Variants in WNT2B observed in about 807,000 individuals in gnomAD.
WNT2B encodes the protein protein Wnt-2b.
In WNT2B, 19 loss-of-function variants were observed where a neutral mutation model predicts 40.5. That is an observed-to-expected ratio of 0.47 (90% CI 0.33 to 0.69). The LOEUF (loss-of-function observed/expected upper bound fraction) is 0.69. Among genes scored for constraint, WNT2B ranks in the 30% least tolerant of loss-of-function variants. The pLI is 0.02. For synonymous variants in WNT2B, 220 were observed against 211.9 expected, an observed-to-expected ratio of 1.04 and a Z score of -0.33; for missense variants, 467 against 556.4, an observed-to-expected ratio of 0.84 and a Z score of 1.62.
chr1:112,519,834 A>G (rs1217875474), intron 4 of WNT2B, among the ~76,000 whole-genome samples: 2 of 147,992 alleles, frequency 1.4e-5, no homozygotes, highest in Non-Finnish European at 3.0e-5. Context: ...TAGAACTGGG[A>G]TTTGAATCCA....
Position 112,509,302 on chromosome 1 carries a change from C to G in WNT2B, c.40C>G (p.Pro14Ala). 6.4e-7 allele frequency: 1 copy of G among 1,556,470 alleles called. No individual in the cohort carries two copies. The highest frequency in any genetic ancestry group is 2.4e-5 in the East Asian group (1 of 42,022). Reference sequence around the variant, plus strand: ...TGGTGCGGAGGAAGCTGCGCAGCTCCCGCTTCGGCGCGCCAGCGCCCCGGT... The same window carrying G: ...TGGTGCGGAGGAAGCTGCGCAGCTCGCGCTTCGGCGCGCCAGCGCCCCGGT... ...PGGAEEAAQL[P>A]LRRASAPVPV... The change falls in exon 1 of 5, where the codon CCG becomes GCG. Residue 14 changes from proline to alanine, a missense_variant. By Grantham distance (27) the Pro-to-Ala change is conservative. Coordinates refer to ENST00000369684, the MANE Select transcript of WNT2B (RefSeq NM_024494.3). This position sits in a 1 kb window ranked among gnomAD's most constrained non-coding sequence, Gnocchi z 4.2.
At chr1:112,468,096 T>A (rs1650759580) in intron 1 of WNT2B, among the ~76,000 whole-genome samples, 1 of 152,222 alleles carries the variant, frequency 6.6e-6, no homozygotes, top group African/African-American at 2.4e-5. Context: ...TCATTTAACA[T>A]AGTGACTTCC....
chr1:112,508,834 T>C, upstream of WNT2B: 1 of 995,978 alleles, frequency 1.0e-6, no homozygotes, highest in Non-Finnish European at 1.2e-6. The surrounding 1 kb of genome is among the most constrained non-coding windows in gnomAD (Gnocchi z 4.2). Context: ...CGGAGGCGGC[T>C]GCTACACCTA....
rs548948394 is a variant in WNT2B at position 112,503,550 on chromosome 1, G to A, written c.-94-11324G>A. Among the ~76,000 whole-genome samples the A allele has an allele frequency of 2.2e-4, 34 of 152,238 alleles. No homozygotes were observed. In the East Asian group the frequency reaches 3.3e-3, roughly 15 times the overall value. Reference sequence around the variant, plus strand: ...GTGCGCACACACCCACATGCACAGAGAGACGGAGAAAGCCACAGAGAGTCA... The same window carrying A: ...GTGCGCACACACCCACATGCACAGAAAGACGGAGAAAGCCACAGAGAGTCA... On this transcript the variant is annotated intron_variant, in intron 1 of 4. Coordinates refer to the WNT2B transcript ENST00000256640.
At chr1:112,511,132 A>G (rs967396209) in intron 1 of WNT2B, among the ~76,000 whole-genome samples, 1 of 151,278 alleles carries the variant, frequency 6.6e-6, no homozygotes, top group Non-Finnish European at 1.5e-5. Context: ...CCTAGTTCCC[A>G]TTTTGTACTC....
At chr1:112,503,111 AC>A (rs1311043333) in intron 1 of WNT2B, among the ~76,000 whole-genome samples, 2 of 152,246 alleles carry the variant, frequency 1.3e-5, no homozygotes, top group East Asian at 1.9e-4. Context: ...GACCTTGTCC[AC>A]CCTGATATGT....
chr1:112,472,034 A>G (rs529768476), intron 1 of WNT2B, among the ~76,000 whole-genome samples: 12 of 152,340 alleles, frequency 7.9e-5, no homozygotes, highest in African/African-American at 2.4e-4. Context: ...AAATAGAGTA[A>G]CAGGAACTGG....
intron 1 of WNT2B, among the ~76,000 whole-genome samples, chr1:112,469,179 C>A (rs1032575622): frequency 2.0e-5 from 3 of 152,100 alleles, no homozygotes; most frequent in African/African-American, 7.2e-5. Context: ...GCTTTTATAC[C>A]AATACCATCC....
Position 112,471,021 on chromosome 1 carries a change from ATTTGGGTCCAGCCAGTGCTG to A in WNT2B, c.-95+3432_-95+3451del, listed in dbSNP as rs1245258462. ...CCAGGGTACTGGGGACCCTGTGCAC[ATTTGGGTCCAGCCAGTGCTG>A]TGCCACTGTAACCCTCTGAGTGGAC... On this transcript the variant is annotated intron_variant, in intron 1 of 4. Coordinates refer to the WNT2B transcript ENST00000256640. Among the ~76,000 whole-genome samples, 6 of 152,118 alleles carry A rather than the reference ATTTGGGTCCAGCCAGTGCTG, an allele frequency of 3.9e-5. No individual in the cohort carries two copies. The East Asian group carries it at 7.7e-4, about 20-fold the overall frequency.
intron 1 of WNT2B, among the ~76,000 whole-genome samples, chr1:112,510,488 G>A (rs181774151): frequency 1.6e-4 from 24 of 151,584 alleles, no homozygotes; most frequent in African/African-American, 5.1e-4. Flanking sequence ...TCTTCTTCCC[G>A]TGCAAGCCCC....
intron 1 of WNT2B, among the ~76,000 whole-genome samples, chr1:112,473,657 AAAC>A (rs1650961041): frequency 6.6e-6 from 1 of 152,168 alleles, no homozygotes; most frequent in African/African-American, 2.4e-5. Context: ...ATATTTGAAC[AAAC>A]AATAGCCAAG....
chr1:112,514,144 T>C (rs1652445026), intron 1 of WNT2B, among the ~76,000 whole-genome samples: 3 of 152,216 alleles, frequency 2.0e-5, no homozygotes, highest in Non-Finnish European at 4.4e-5. Flanking sequence ...CTTACTTATC[T>C]TGGCCTTTGG....
At chr1:112,489,412 A>C (rs1651527569) in intron 1 of WNT2B, among the ~76,000 whole-genome samples, 1 of 152,032 alleles carries the variant, frequency 6.6e-6, no homozygotes, top group Non-Finnish European at 1.5e-5. Flanking sequence ...TACAAAAAAA[A>C]AATTAGCCGG....
At chr1:112,490,514 G>GTT in intron 1 of WNT2B, among the ~76,000 whole-genome samples, 1 of 150,356 alleles carries the variant, frequency 6.7e-6, no homozygotes, top group Non-Finnish European at 1.5e-5. Context: ...TTTTGAGACG[G>GTT]AGTCTCGCTC....
In WNT2B at chr1:112,509,806, C is replaced by A. The variant is rs1262693820; in HGVS notation, c.182+362C>A. 6.6e-6 allele frequency among the ~76,000 whole-genome samples: 1 copy of A among 152,196 alleles called. No individual in the cohort carries two copies. The highest frequency in any genetic ancestry group is 1.5e-5 in the Non-Finnish European group (1 of 68,036). ...AATAACCTTCCAGGGCCCGCAATAG[C>A]TTCGCCAGGGCCCCAATCGCCTAAG... On this transcript the variant is annotated intron_variant, in intron 1 of 4. Coordinates refer to ENST00000369684, the MANE Select transcript of WNT2B (RefSeq NM_024494.3). This position sits in a 1 kb window ranked among gnomAD's most constrained non-coding sequence, Gnocchi z 4.2.
chr1:112,489,420 C>T (rs556669043), intron 1 of WNT2B, among the ~76,000 whole-genome samples: 154 of 151,928 alleles, frequency 1.0e-3, no homozygotes, highest in African/African-American at 3.3e-3. Flanking sequence ...AAAAATTAGC[C>T]GGGCATGGCA....
chr1:112,515,009 G>A lies in WNT2B; in HGVS notation c.318G>A (p.Glu106=), dbSNP rs1271408614. The A allele has an allele frequency of 1.2e-6, 2 of 1,614,078 alleles. No individual in the cohort carries two copies. The highest frequency in any genetic ancestry group is 1.7e-6 in the Non-Finnish European group (2 of 1,180,038). The change falls in exon 2 of 5, where the codon GAG becomes GAA. Residue 106 remains glutamate, a synonymous_variant. Coordinates refer to ENST00000369684, the MANE Select transcript of WNT2B (RefSeq NM_024494.3). This position sits in a 1 kb window ranked among gnomAD's most constrained non-coding sequence, Gnocchi z 4.4. ...VGEGAREWIR[E]CQHQFRHHRW... ...AGGGTGCCCGAGAATGGATCCGAGA[G>A]TGTCAGCACCAATTCCGCCACCACC... is the stretch of plus-strand genomic sequence containing the variant.
At chr1:112,483,852 C>T (rs897249384) in intron 1 of WNT2B, among the ~76,000 whole-genome samples, 1 of 148,878 alleles carries the variant, frequency 6.7e-6, no homozygotes, top group African/African-American at 2.5e-5. Flanking sequence ...GAGCAAAGGA[C>T]CTGAATAGAC....
rs1653760362 is a variant in WNT2B at position 112,528,083 on chromosome 1, G to A, written c.*7574G>A. 6.6e-6 allele frequency: 1 copy of A among 152,186 alleles called. No individual in the cohort carries two copies. Among genetic ancestry groups the A allele is most frequent in the Non-Finnish European group, 1.5e-5 (1 of 68,026 alleles). 9.4% of individuals were successfully genotyped at this position (152,186 alleles called of 1,614,324 possible). On this transcript the variant is annotated 3_prime_UTR_variant, in exon 5 of 5. Coordinates refer to ENST00000369684, the MANE Select transcript of WNT2B (RefSeq NM_024494.3). ...TTAATGGACTAGGAAGCAGAAGTCTGAGAATAAAGGAATTAGGTTAATGAG... is the reference window on the plus strand; with the variant it reads ...TTAATGGACTAGGAAGCAGAAGTCTAAGAATAAAGGAATTAGGTTAATGAG...
Sources: allele counts gnomAD v4.1 joint callset (sites outside exome capture counted in the v4.1 genomes callset), GRCh38; gene constraint gnomAD v4.1.1; non-coding constraint Gnocchi (gnomAD v3.1); transcripts MANE v1.5; gene names NCBI Gene and HGNC (gene_info 2026-07-23, HGNC 2026-07-21).